The following RSF1 variants were observed in gnomAD, a reference collection of about 807,000 sequenced individuals.
RSF1 encodes the protein HBV pX-associated protein 8.
In RSF1, 13 loss-of-function variants were observed where a neutral mutation model predicts 145.2. The ratio of observed to expected loss-of-function variants is 0.09; its 90% CI spans 0.06 to 0.14. The LOEUF is 0.14. RSF1 is among the 10% of genes least tolerant of loss of function. The pLI, the probability that RSF1 is intolerant of heterozygous loss-of-function variation, is 1.00. For missense variants in RSF1, 1,517 were observed against 1,718.2 expected (o/e 0.88, Z 2.07); for synonymous variants, 577 against 592.6 (o/e 0.97, Z 0.38).
chr11:77,843,245 C>T, the RSF1 span, among the ~76,000 whole-genome samples: 7 of 152,110 alleles, frequency 4.6e-5, no homozygotes, highest in African/African-American at 1.4e-4. Flanking sequence ...GTTCTCATTG[C>T]GGTTTTTATT....
intron 1 of RSF1, among the ~76,000 whole-genome samples, chr11:77,788,023 T>C (rs983360030): frequency 1.3e-5 from 2 of 150,614 alleles, no homozygotes; most frequent in East Asian, 1.9e-4. Context: ...ACGCCTGTAA[T>C]AGTAACTACT....
chr11:77,667,546 A>G, intron 15 of RSF1, 55 bp from the exon 16 acceptor site: 1 of 1,477,972 alleles, frequency 6.8e-7, no homozygotes, highest in Non-Finnish European at 9.2e-7. Context: ...AACGAATTTA[A>G]TTCTCCTTTT....
chr11:77,669,381 G>A (rs1959459644), intron 15 of RSF1, among the ~76,000 whole-genome samples: 2 of 152,166 alleles, frequency 1.3e-5, no homozygotes, highest in South Asian at 4.1e-4. Flanking sequence ...TGCTCAAAAT[G>A]TGGGATGGTT....
chr11:77,859,355 T>A, the RSF1 span, among the ~76,000 whole-genome samples: 6 of 152,220 alleles, frequency 3.9e-5, no homozygotes, highest in African/African-American at 1.2e-4. Context: ...CCCAGCAGTG[T>A]AAGACTGCTA....
chr11:77,673,336 G>C (rs1263478237), intron 14 of RSF1, among the ~76,000 whole-genome samples: 2 of 152,240 alleles, frequency 1.3e-5, no homozygotes, highest in African/African-American at 4.8e-5. Context: ...AAGCCAGAGT[G>C]AGGCTGTGGC....
chr11:77,687,877 G>A (rs180835378), intron 9 of RSF1, among the ~76,000 whole-genome samples: 1 of 152,230 alleles, frequency 6.6e-6, no homozygotes, highest in East Asian at 1.9e-4. Context: ...TAGCATATGA[G>A]GCTGTTGTCA....
the RSF1 span, among the ~76,000 whole-genome samples, chr11:77,833,702 A>G: frequency 6.6e-6 from 1 of 152,300 alleles, no homozygotes; most frequent in Non-Finnish European, 1.5e-5. Context: ...ATTTGTACCT[A>G]TTAGAATGTT....
Position 77,698,665 on chromosome 11 carries a change from G to C in RSF1, c.2537C>G (p.Thr846Ser). 6.2e-7 allele frequency: 1 copy of C among 1,614,036 alleles called. No homozygotes were observed. The highest frequency in any genetic ancestry group is 8.5e-7 in the Non-Finnish European group (1 of 1,179,988). ...CCATCTGCCACGTGTCCGAGAACCAGTCCATCGAACTTTGCCTTTGGGTTT... is the reference window on the plus strand; with the variant it reads ...CCATCTGCCACGTGTCCGAGAACCACTCCATCGAACTTTGCCTTTGGGTTT... ...KVKPKGKVRW[T>S]GSRTRGRWKY... Residue 846 changes from threonine to serine, a missense_variant, in exon 7 of 16, where the codon ACT (threonine) becomes AGT (serine). Thr to Ser is a moderately conservative substitution (Grantham distance 58). Around this residue, in one of 12 missense-constraint regions of RSF1, gnomAD observed 579 missense variants for 553.5 expected, o/e 1.05. Transcript: ENST00000308488.
chr11:77,822,557 G>A (rs1215070402), upstream of RSF1, among the ~76,000 whole-genome samples: 2 of 151,806 alleles, frequency 1.3e-5, no homozygotes, highest in Admixed American at 6.6e-5. Context: ...CACAAACACC[G>A]AATTTTTTTC....
intron 15 of RSF1, 71 bp from the exon 16 acceptor site, chr11:77,667,562 C>A (rs750109722): frequency 1.3e-5 from 17 of 1,331,300 alleles, no homozygotes; most frequent in Admixed American, 5.8e-5. Flanking sequence ...CTTTTCCTCC[C>A]GATATTCACC....
At chr11:77,695,091 G>A (rs1187863309) in intron 7 of RSF1, among the ~76,000 whole-genome samples, 5 of 152,128 alleles carry the variant, frequency 3.3e-5, no homozygotes, top group African/African-American at 1.2e-4. Context: ...GTCACCTTCC[G>A]TACTCTATTC....
At chr11:77,698,191 A>T (rs1307207323) in intron 7 of RSF1, among the ~76,000 whole-genome samples, 1 of 152,210 alleles carries the variant, frequency 6.6e-6, no homozygotes, top group African/African-American at 2.4e-5. Flanking sequence ...AGAAAAACTT[A>T]AAAAGAACAG....
chr11:77,662,901 G>A lies in RSF1; in HGVS notation c.*4016C>T, dbSNP rs1277532507. The A allele has an allele frequency of 6.6e-6, 1 of 152,128 alleles. No individual in the cohort carries two copies. The highest frequency in any genetic ancestry group is 1.9e-4 in the East Asian group (1 of 5,202). 9.4% of individuals were successfully genotyped at this position (152,128 alleles called of 1,614,324 possible). On this transcript the variant is annotated 3_prime_UTR_variant, in exon 16 of 16. Coordinates refer to ENST00000308488, the MANE Select transcript of RSF1 (RefSeq NM_016578.4). ...GGAGAAACTGTTGTCTAGATTTTCT[G>A]TAATTAAATGATGTTCATAATATTT...
intron 1 of RSF1, among the ~76,000 whole-genome samples, chr11:77,781,104 CTTTTT>C (rs113010922): frequency 6.7e-6 from 1 of 148,728 alleles, no homozygotes; most frequent in Non-Finnish European, 1.5e-5. Context: ...TTTGAATTGT[CTTTTT>C]TTTTTGAGAG....
chr11:77,802,018 A>G (rs1948631208), intron 1 of RSF1, among the ~76,000 whole-genome samples: 1 of 151,968 alleles, frequency 6.6e-6, no homozygotes, highest in Non-Finnish European at 1.5e-5. Flanking sequence ...AATAATAATA[A>G]TAATCCCTAA....
intron 5 of RSF1, among the ~76,000 whole-genome samples, chr11:77,705,711 G>A (rs1960532084): frequency 6.6e-6 from 1 of 152,042 alleles, no homozygotes; most frequent in Admixed American, 6.6e-5. Context: ...CCTTCTTTGG[G>A]TCCAGATTCT....
At chr11:77,796,971 C>T (rs1441169331) in intron 1 of RSF1, among the ~76,000 whole-genome samples, 1 of 152,160 alleles carries the variant, frequency 6.6e-6, no homozygotes. Context: ...AGGACCTCTT[C>T]AAGGAGAACT....
At chr11:77,805,026 A>G (rs1296739065) in intron 1 of RSF1, among the ~76,000 whole-genome samples, 3 of 152,214 alleles carry the variant, frequency 2.0e-5, no homozygotes, top group Non-Finnish European at 4.4e-5. Flanking sequence ...TTATTTATCT[A>G]GAGTGGTATT....
intron 9 of RSF1, 62 bp downstream of exon 9, chr11:77,691,097 T>C (rs1437294980): frequency 2.1e-6 from 3 of 1,457,652 alleles, no homozygotes; most frequent in African/African-American, 1.4e-5. Context: ...CATTTATCCA[T>C]ACAGTGAGAC....
Sources: gnomAD v4.1 joint callset for allele counts (sites outside exome capture counted in the v4.1 genomes callset) on GRCh38, gnomAD v4.1.1 for gene constraint, gnomAD v4.1.1 regional missense constraint, MANE v1.5 for transcripts, NCBI Gene and HGNC (gene_info 2026-07-23, HGNC 2026-07-21) for gene names.